Variants in SEMA6A observed in about 807,000 individuals in gnomAD.
SEMA6A encodes semaphorin-6A.
In SEMA6A, 25 loss-of-function variants were observed where a neutral mutation model predicts 96.8. The ratio of observed to expected loss-of-function variants is 0.26; its 90% CI spans 0.19 to 0.36. SEMA6A has a LOEUF of 0.36. Ranked by LOEUF, SEMA6A falls within the 10% of genes least tolerant of loss-of-function variation. SEMA6A has a pLI of 1.00. For missense variants in SEMA6A, 1,363 were observed against 1,323.1 expected, an observed-to-expected ratio of 1.03 and a Z score of -0.47; for synonymous variants, 612 against 518.0, an observed-to-expected ratio of 1.18 and a Z score of -2.46.
At position 116,447,430 on chromosome 5, in the gene SEMA6A, T is replaced by G; in HGVS notation, c.2276A>C (p.Glu759Ala). 6.2e-7 allele frequency: 1 copy of G among 1,614,032 alleles called. No homozygotes were observed. Among genetic ancestry groups the G allele is most frequent in the African/African-American group, 1.3e-5 (1 of 75,070 alleles). Residue 759 changes from glutamate (E) to alanine (A), a missense_variant, in exon 19 of 19, where the codon GAG (glutamate) becomes GCG (alanine). This residue lies in a region of SEMA6A where 883 missense variants were observed against 763.6 expected (regional missense o/e 1.16). Coordinates refer to ENST00000343348, the MANE Select transcript of SEMA6A (RefSeq NM_020796.5). ...HLDLTALPTP[E>A]STPTLQQKRK... ...CTTCTGCTGCAGCGTTGGGGTTGAC[T>G]CTGGGGTGGGGAGGGCCGTCAGGTC...
At chr5:116,451,511 G>C (rs1754634568) in intron 18 of SEMA6A, among the ~76,000 whole-genome samples, 1 of 152,340 alleles carries the variant, frequency 6.6e-6, no homozygotes, top group East Asian at 1.9e-4. Context: ...TAAAACAACA[G>C]AAGTGGAAAA....
At position 116,560,492 on chromosome 5, in the gene SEMA6A, A is replaced by C. The variant is rs577169510; in HGVS notation, c.-39+13693T>G. On this transcript the variant is annotated intron_variant, in intron 1 of 18. Transcript: ENST00000343348. ...TAGATCTAGTAGCCTGAACCAGAGT[A>C]CAATGACTTTTGTCAGAGGGAAGAT... Among the ~76,000 whole-genome samples the C allele has an allele frequency of 6.8e-4, 103 of 151,568 alleles. 1 individual carries two copies. The highest frequency in any genetic ancestry group is 2.5e-3 in the African/African-American group (102 of 41,302).
At chr5:116,473,600 C>T (rs1756285720) in intron 16 of SEMA6A, among the ~76,000 whole-genome samples, 1 of 152,184 alleles carries the variant, frequency 6.6e-6, no homozygotes, top group Admixed American at 6.5e-5. Flanking sequence ...ACATATTAGG[C>T]AACATATCTG....
In SEMA6A at chr5:116,482,441, T is replaced by C. The variant is rs1201506239; in HGVS notation, c.1094+3A>G. 1 of 1,612,734 alleles carries C rather than the reference T, an allele frequency of 6.2e-7. No individual in the cohort carries two copies. Among genetic ancestry groups the C allele is most frequent in the Admixed American group, 1.7e-5 (1 of 59,900 alleles). On this transcript the variant is annotated splice_donor_region_variant and intron_variant, in intron 11 of 18. Transcript: ENST00000343348. The stretch of plus-strand genomic sequence containing the variant: ...AAATAGCCATATGAATATTTGCACA[T>C]ACCTGGGCTTAGGAACTCGTTCATC...
chr5:116,474,579 T>C (rs772001343), intron 16 of SEMA6A, among the ~76,000 whole-genome samples: 26 of 152,218 alleles, frequency 1.7e-4, no homozygotes, highest in Non-Finnish European at 3.5e-4. Flanking sequence ...TAGCCCTCTT[T>C]ATTTGATTAT....
At chr5:116,498,959 T>G (rs1228592645) in intron 3 of SEMA6A, 1 of 152,318 alleles carries the variant, frequency 6.6e-6, no homozygotes, top group East Asian at 1.9e-4. Context: ...CTGTTTATGT[T>G]AATTAGCAGT....
chr5:116,478,300 GTAAACACACACATGTATATGTATCTATA>G (rs1756568137), intron 13 of SEMA6A, 146 bp from the exon 14 acceptor site: 1 of 890,756 alleles, frequency 1.1e-6, no homozygotes, highest in Admixed American at 2.6e-5. Flanking sequence ...TTGCACACAC[GTAAACACACACATGTATATGTATCTATA>G]TAAACACACA....
intron 1 of SEMA6A, among the ~76,000 whole-genome samples, chr5:116,506,234 C>T (rs1016730015): frequency 6.6e-6 from 1 of 152,190 alleles, no homozygotes; most frequent in South Asian, 2.1e-4. Flanking sequence ...CCAAGTGTTG[C>T]ACTGTAACTT....
At chr5:116,547,539 C>T (rs778663639) in intron 1 of SEMA6A, among the ~76,000 whole-genome samples, 86 of 151,488 alleles carry the variant, frequency 5.7e-4, no homozygotes, top group Admixed American at 7.2e-4. Flanking sequence ...CATTTTTTAA[C>T]TATTTCATTA....
At chr5:116,461,243 G>A (rs7733156) in intron 18 of SEMA6A, among the ~76,000 whole-genome samples, 28,938 of 151,844 alleles carry the variant, frequency 0.19, 2,939 homozygotes, top group East Asian at 0.38. Flanking sequence ...ATCTCTTCGC[G>A]TTCCTTGCCT....
At chr5:116,504,729 A>G in intron 2 of SEMA6A, 116 bp downstream of exon 2, 1 of 754,336 alleles carries the variant, frequency 1.3e-6, no homozygotes, top group Non-Finnish European at 2.2e-6. Flanking sequence ...TTTGCCACAT[A>G]CAGAGGACTA....
At chr5:116,488,007 T>C in intron 9 of SEMA6A, 101 bp downstream of exon 9, 2 of 744,640 alleles carry the variant, frequency 2.7e-6, no homozygotes, top group Non-Finnish European at 4.4e-6. Context: ...TGTTATTAGA[T>C]TTATGGCTCT....
Position 116,488,090 on chromosome 5 carries a change from G to C in SEMA6A, c.744+18C>G. The C allele has an allele frequency of 6.6e-7, 1 of 1,518,230 alleles. No individual in the cohort carries two copies. Among genetic ancestry groups the C allele is most frequent in the Non-Finnish European group, 9.1e-7 (1 of 1,096,966 alleles). The allele number at this position is 1,518,230 out of a possible 1,614,324, so 94.0% of individuals were successfully genotyped here. A position where few individuals can be genotyped will look rare whatever the true frequency, so the allele number is the denominator to read the frequency against. ...TGAAAATGTTACAAACTGAGCCAAG[G>C]ACAGCATCCCCTCTTACCTTTCCCA... On this transcript the variant is annotated intron_variant, in intron 9 of 18. Transcript: ENST00000343348.
intron 18 of SEMA6A, among the ~76,000 whole-genome samples, chr5:116,461,507 A>G (rs967774020): frequency 6.6e-6 from 1 of 151,974 alleles, no homozygotes; most frequent in African/African-American, 2.4e-5. Context: ...TAAAAGCCTG[A>G]GTTTGCCAAC....
At chr5:116,521,312 G>A (rs1003055323) in intron 1 of SEMA6A, among the ~76,000 whole-genome samples, 2 of 152,220 alleles carry the variant, frequency 1.3e-5, no homozygotes, top group African/African-American at 4.8e-5. Flanking sequence ...GACCCCAGGA[G>A]ATGGTTTAAC....
intron 1 of SEMA6A, among the ~76,000 whole-genome samples, chr5:116,557,423 G>C (rs1046185211): frequency 6.6e-6 from 1 of 152,168 alleles, no homozygotes; most frequent in African/African-American, 2.4e-5. Context: ...TGTTGCCCAG[G>C]CTTGTCTCAA....
intron 10 of SEMA6A, among the ~76,000 whole-genome samples, chr5:116,485,427 A>T (rs1456780600): frequency 1.3e-5 from 2 of 152,200 alleles, no homozygotes; most frequent in Non-Finnish European, 2.9e-5. Context: ...AAAAGCCTGA[A>T]TTTTTAAATA....
chr5:116,500,693 T>G (rs1757835048), intron 3 of SEMA6A, among the ~76,000 whole-genome samples: 1 of 152,142 alleles, frequency 6.6e-6, no homozygotes, highest in South Asian at 2.1e-4. Flanking sequence ...GTTCTTTCCT[T>G]ATGCCAGATA....
At chr5:116,559,534 A>G (rs1211285938) in intron 1 of SEMA6A, among the ~76,000 whole-genome samples, 3 of 151,952 alleles carry the variant, frequency 2.0e-5, no homozygotes, top group Non-Finnish European at 4.4e-5. Flanking sequence ...TCATTACAAC[A>G]GCGCGTTACT....
Sources: gnomAD v4.1 joint callset for allele counts (sites outside exome capture counted in the v4.1 genomes callset) on GRCh38, gnomAD v4.1.1 for gene constraint, gnomAD v4.1.1 regional missense constraint, MANE v1.5 for transcripts, NCBI Gene and HGNC (gene_info 2026-07-23, HGNC 2026-07-21) for gene names.